PPP2R2A: variants seen among roughly 807,000 people sequenced by gnomAD.
PPP2R2A encodes the protein protein phosphatase 2 regulatory subunit Balpha.
A neutral mutation model predicts 53.2 loss-of-function variants in PPP2R2A; 9 were observed. The ratio of observed to expected loss-of-function variants is 0.17; its 90% CI spans 0.10 to 0.30. The LOEUF is 0.30. Among genes scored for constraint, PPP2R2A ranks in the 10% least tolerant of loss-of-function variants. PPP2R2A has a pLI of 1.00. For missense variants in PPP2R2A, 235 were observed against 534.6 expected, an observed-to-expected ratio of 0.44 and a Z score of 5.53; for synonymous variants, 169 against 174.2, an observed-to-expected ratio of 0.97 and a Z score of 0.23.
At position 26,360,127 on chromosome 8, in the gene PPP2R2A, C is replaced by A; in HGVS notation, c.347-42C>A. 2 of 1,051,940 alleles carry A rather than the reference C, an allele frequency of 1.9e-6. No homozygotes were observed. Among genetic ancestry groups the A allele is most frequent in the Admixed American group, 2.2e-5 (1 of 44,534 alleles). The allele number at this position is 1,051,940 out of a possible 1,614,324, so 65.2% of individuals were successfully genotyped here. On this transcript the variant is annotated intron_variant, in intron 4 of 9. Transcript: ENST00000380737. The surrounding 1 kb of genome is among the most constrained non-coding windows in gnomAD (Gnocchi z 4.5). ...ATTTTAAATGCCTTAAAATGTTTTT[C>A]TTCTTCAGTATTTTAAGGACTTTTC...
In PPP2R2A at chr8:26,362,553, T is replaced by C. The variant is rs1805163862; in HGVS notation, c.638-131T>C. The C allele has an allele frequency of 7.2e-6, 6 of 833,334 alleles. No homozygotes were observed. Among genetic ancestry groups the C allele is most frequent in the South Asian group, 5.6e-5 (3 of 53,636 alleles). The allele number at this position is 833,334 out of a possible 1,614,324, so 51.6% of individuals were successfully genotyped here. A position where few individuals can be genotyped will look rare whatever the true frequency, so the allele number is the denominator to read the frequency against. ...TTAATCCCTTTGGAATTTATACTCA[T>C]AAAAACAGTGGAGTGCAATTCAGAA... On this transcript the variant is annotated intron_variant, in intron 6 of 9. Transcript: ENST00000380737. This position sits in a 1 kb window ranked among gnomAD's most constrained non-coding sequence, Gnocchi z 4.4.
intron 2 of PPP2R2A, among the ~76,000 whole-genome samples, chr8:26,329,176 T>C (rs1056049834): frequency 3.3e-5 from 5 of 152,206 alleles, no homozygotes; most frequent in Admixed American, 1.3e-4. Context: ...TATTAATCTT[T>C]AGCTATTTTG....
rs1471212848 is a variant in PPP2R2A, at chr8:26,345,341, A to C, written c.180+6354A>C. On this transcript the variant is annotated intron_variant, in intron 3 of 9. Transcript: ENST00000380737. The stretch of plus-strand genomic sequence containing the variant: ...TAAAACATTTCATTGTATTCTTATT[A>C]TTAATAATTTTTCCCTCTTAATTAT... Among the ~76,000 whole-genome samples, 3 of 152,254 alleles carry C rather than the reference A, an allele frequency of 2.0e-5. No individual in the cohort carries two copies. In the East Asian group the frequency reaches 5.8e-4, roughly 29 times the overall value.
chr8:26,346,695 T>C (rs1212180308), intron 3 of PPP2R2A, among the ~76,000 whole-genome samples: 3 of 152,248 alleles, frequency 2.0e-5, no homozygotes. Flanking sequence ...AAATACTTGA[T>C]CAGAATAGTT....
intron 3 of PPP2R2A, among the ~76,000 whole-genome samples, chr8:26,351,678 T>C (rs1487317103): frequency 6.6e-6 from 1 of 152,210 alleles, no homozygotes; most frequent in Non-Finnish European, 1.5e-5. Flanking sequence ...TAACACCATT[T>C]AGTGAAAAGA....
In PPP2R2A at chr8:26,354,496, A is replaced by G; in HGVS notation, c.209A>G (p.Glu70Gly). Residue 70 changes from glutamate to glycine, a missense_variant, in exon 4 of 10, where the codon GAA becomes GGA. Glu to Gly is a moderately conservative substitution (Grantham distance 98, BLOSUM62 -2). Around this residue, in one of 3 missense-constraint regions of PPP2R2A, gnomAD observed 51 missense variants for 80.6 expected, o/e 0.63. Transcript: ENST00000380737. This position sits in a 1 kb window ranked among gnomAD's most constrained non-coding sequence, Gnocchi z 4.6. Reference protein sequence around the residue: ...ENKIQSHSRGEYNVYSTFQSH... With the variant: ...ENKIQSHSRGGYNVYSTFQSH... ...AAAATCCAGTCTCATAGCAGAGGAGAATATAATGTTTACAGCACCTTCCAG... is the reference window on the plus strand; with the variant it reads ...AAAATCCAGTCTCATAGCAGAGGAGGATATAATGTTTACAGCACCTTCCAG... 1.3e-6 allele frequency: 2 copies of G among 1,594,360 alleles called. No homozygotes were observed. Among genetic ancestry groups the G allele is most frequent in the South Asian group, 1.1e-5 (1 of 87,686 alleles).
chr8:26,338,811 G>T lies in PPP2R2A; in HGVS notation c.83-79G>T. ...TACTTCATAGACTTGGAATGTTTGGGAAAACACGCTAAGTTCTGAAACTAG... is the reference window on the plus strand; with the variant it reads ...TACTTCATAGACTTGGAATGTTTGGTAAAACACGCTAAGTTCTGAAACTAG... On this transcript the variant is annotated intron_variant, in intron 2 of 9. Coordinates refer to ENST00000380737, the MANE Select transcript of PPP2R2A (RefSeq NM_002717.4). This position sits in a 1 kb window ranked among gnomAD's most constrained non-coding sequence, Gnocchi z 4.5. 1.0e-6 allele frequency: 1 copy of T among 970,580 alleles called. No homozygotes were observed. Among genetic ancestry groups the T allele is most frequent in the Non-Finnish European group, 1.6e-6 (1 of 640,856 alleles). The allele number at this position is 970,580 out of a possible 1,614,324, so 60.1% of individuals were successfully genotyped here. A position where few individuals can be genotyped will look rare whatever the true frequency, so the allele number is the denominator to read the frequency against.
intron 2 of PPP2R2A, among the ~76,000 whole-genome samples, chr8:26,298,088 G>A (rs559270017): frequency 2.6e-5 from 4 of 152,372 alleles, no homozygotes; most frequent in African/African-American, 9.6e-5. Context: ...TTGGAAAGGA[G>A]TTGTGATCGG....
intron 3 of PPP2R2A, among the ~76,000 whole-genome samples, chr8:26,346,762 C>T (rs964022629): frequency 2.6e-5 from 4 of 152,172 alleles, no homozygotes; most frequent in African/African-American, 7.2e-5. Flanking sequence ...TGTGCCTTTA[C>T]AAAGGGGAAT....
Position 26,360,568 on chromosome 8 carries a change from G to C in PPP2R2A, c.459+287G>C, listed in dbSNP as rs549484538. The C allele has an allele frequency of 1.0e-5, 3 of 288,426 alleles. No individual in the cohort carries two copies. The East Asian group carries it at 2.0e-4, about 19-fold the overall frequency. 17.9% of individuals were successfully genotyped at this position (288,426 alleles called of 1,614,324 possible). On this transcript the variant is annotated intron_variant, in intron 5 of 9. Coordinates refer to ENST00000380737, the MANE Select transcript of PPP2R2A (RefSeq NM_002717.4). This position sits in a 1 kb window ranked among gnomAD's most constrained non-coding sequence, Gnocchi z 4.5. ...TAGCTATCACAAGGTCAAGTTTCAA[G>C]ATAAATTTTCTTTGGAAATCAAAAA...
intron 4 of PPP2R2A, chr8:26,358,821 A>C: frequency 9.5e-6 from 4 of 420,572 alleles, no homozygotes; most frequent in South Asian, 6.7e-5. Flanking sequence ...CATGGAGAGC[A>C]GGGATGCTTC....
rs1438041748 is a variant in PPP2R2A, at chr8:26,333,623, ATTAT to A, written c.83-5264_83-5261del. ...TAATTTAGTCTTTTAATGGATAGTAATTATTTGTTACACCCATTTATATATACTA... is the reference window on the plus strand; with the variant it reads ...TAATTTAGTCTTTTAATGGATAGTAATTGTTACACCCATTTATATATACTA... On this transcript the variant is annotated intron_variant, in intron 2 of 9. Transcript: ENST00000380737. 5 of 857,260 alleles carry A rather than the reference ATTAT, an allele frequency of 5.8e-6. No homozygotes were observed. In the Admixed American group the frequency reaches 1.5e-4, roughly 26 times the overall value. The allele number at this position is 857,260 out of a possible 1,614,324, so 53.1% of individuals were successfully genotyped here.
rs1801304776 is a variant in PPP2R2A, at chr8:26,291,743, C to CA, written c.-76dup. 1 of 1,512,080 alleles carries CA rather than the reference C, an allele frequency of 6.6e-7. No homozygotes were observed. Among genetic ancestry groups the CA allele is most frequent in the Admixed American group, 1.8e-5 (1 of 54,708 alleles). The allele number at this position is 1,512,080 out of a possible 1,614,324, so 93.7% of individuals were successfully genotyped here. A position where few individuals can be genotyped will look rare whatever the true frequency, so the allele number is the denominator to read the frequency against. On this transcript the variant is annotated 5_prime_UTR_variant, in exon 1 of 10. Coordinates refer to ENST00000380737, the MANE Select transcript of PPP2R2A (RefSeq NM_002717.4). ...CCGCCATCCGCCCTCTCTACCCCCC[C>CA]ATCCCCAGGTGAGGGGGGTGAGTTC...
chr8:26,298,884 A>T (rs920043252), intron 2 of PPP2R2A, among the ~76,000 whole-genome samples: 1 of 152,238 alleles, frequency 6.6e-6, no homozygotes, highest in Non-Finnish European at 1.5e-5. Context: ...AATTTTTTCT[A>T]ATGATTTTGA....
At chr8:26,295,080 A>G (rs1056990080) in intron 2 of PPP2R2A, among the ~76,000 whole-genome samples, 5 of 152,240 alleles carry the variant, frequency 3.3e-5, no homozygotes, top group African/African-American at 9.6e-5. Flanking sequence ...TAAACACTCC[A>G]GTATTGGATC....
chr8:26,296,651 C>T (rs1030371907), intron 2 of PPP2R2A, among the ~76,000 whole-genome samples: 1 of 152,158 alleles, frequency 6.6e-6, no homozygotes, highest in African/African-American at 2.4e-5. Context: ...ATCTTCGTAC[C>T]TTATGCAGGC....
intron 2 of PPP2R2A, among the ~76,000 whole-genome samples, chr8:26,334,559 C>G (rs138908713): frequency 0.019 from 2,913 of 152,148 alleles, 91 homozygotes; most frequent in African/African-American, 0.067. Context: ...TCCTGGCTAA[C>G]ACGGTGAAAC....
At chr8:26,332,941 TG>T (rs1803460505) in intron 2 of PPP2R2A, among the ~76,000 whole-genome samples, 1 of 152,238 alleles carries the variant, frequency 6.6e-6, no homozygotes. Flanking sequence ...GTCTGACAGT[TG>T]ATCACTGTGT....
rs528872552 is a variant in PPP2R2A, at chr8:26,371,124, G to T, written c.*711G>T. ...CCTACTACTGAATAAAAGTGACAAA[G>T]AATGGAGAATCTGGTTTTCTTTTTC... On this transcript the variant is annotated 3_prime_UTR_variant, in exon 10 of 10. Coordinates refer to ENST00000380737, the MANE Select transcript of PPP2R2A (RefSeq NM_002717.4). 1 of 152,386 alleles carries T rather than the reference G, an allele frequency of 6.6e-6. No individual in the cohort carries two copies. Among genetic ancestry groups the T allele is most frequent in the Admixed American group, 6.5e-5 (1 of 15,278 alleles). 9.4% of individuals were successfully genotyped at this position (152,386 alleles called of 1,614,324 possible). A position where few individuals can be genotyped will look rare whatever the true frequency, so the allele number is the denominator to read the frequency against.
Sources: gnomAD v4.1 joint callset for allele counts (sites outside exome capture counted in the v4.1 genomes callset) on GRCh38, gnomAD v4.1.1 for gene constraint, gnomAD v4.1.1 regional missense constraint, Gnocchi (gnomAD v3.1) non-coding constraint, MANE v1.5 for transcripts, NCBI Gene and HGNC (gene_info 2026-07-23, HGNC 2026-07-21) for gene names.